Variants in ZNF248 observed in about 807,000 individuals in gnomAD.
The protein encoded by ZNF248 is zinc finger protein 248.
A neutral mutation model predicts 44.3 loss-of-function variants in ZNF248; 20 were observed. That is an observed-to-expected ratio of 0.45 (90% CI 0.32 to 0.66). The LOEUF is 0.66. Among genes scored for constraint, ZNF248 ranks in the 30% least tolerant of loss-of-function variants. The probability of loss-of-function intolerance (pLI) is 0.04; values close to 1 mark genes in which losing one functional copy is unlikely to be tolerated. For missense variants in ZNF248, 654 were observed against 677.0 expected, an observed-to-expected ratio of 0.97 and a Z score of 0.38; for synonymous variants, 224 against 229.0, an observed-to-expected ratio of 0.98 and a Z score of 0.20.
chr10:37,769,009 C>A, the ZNF248 span, among the ~76,000 whole-genome samples: 1 of 152,264 alleles, frequency 6.6e-6, no homozygotes, highest in South Asian at 2.1e-4. Flanking sequence ...TACAAATAAA[C>A]TAGAAAATCT....
At chr10:37,763,451 G>C in the ZNF248 span, among the ~76,000 whole-genome samples, 1 of 152,314 alleles carries the variant, frequency 6.6e-6, no homozygotes, top group East Asian at 1.9e-4. Flanking sequence ...GAAACAGTTT[G>C]CTGTTTGATC....
intron 6 of ZNF248, among the ~76,000 whole-genome samples, chr10:37,778,026 T>C (rs2046802985): frequency 6.6e-6 from 1 of 152,130 alleles, no homozygotes; most frequent in Non-Finnish European, 1.5e-5. Context: ...AGCAGCATGA[T>C]TTATAGTCCT....
the ZNF248 span, among the ~76,000 whole-genome samples, chr10:37,761,631 C>G: frequency 1.3e-5 from 2 of 152,202 alleles, no homozygotes; most frequent in Non-Finnish European, 2.9e-5. Flanking sequence ...TAGTGAATAA[C>G]TTTACTTCAA....
At chr10:37,781,374 T>A (rs921709007) in intron 6 of ZNF248, among the ~76,000 whole-genome samples, 4 of 152,238 alleles carry the variant, frequency 2.6e-5, no homozygotes, top group Non-Finnish European at 5.9e-5. Flanking sequence ...TTGGACCACT[T>A]GCCATCTTGT....
At chr10:37,779,364 A>G (rs1272450484) in intron 6 of ZNF248, among the ~76,000 whole-genome samples, 25 of 152,278 alleles carry the variant, frequency 1.6e-4, no homozygotes, top group Admixed American at 7.2e-4. Flanking sequence ...TTCAATATAC[A>G]CAAATCAATA....
intron 3 of ZNF248, among the ~76,000 whole-genome samples, chr10:37,849,860 C>T (rs1310755345): frequency 1.3e-5 from 2 of 152,132 alleles, no homozygotes; most frequent in Non-Finnish European, 2.9e-5. Context: ...ATCACAAGGT[C>T]AGGAGTTCAA....
At chr10:37,815,354 G>A (rs10827829) in intron 6 of ZNF248, among the ~76,000 whole-genome samples, 19,644 of 151,726 alleles carry the variant, frequency 0.13, 1,370 homozygotes, top group Admixed American at 0.2. Flanking sequence ...ATAAGCCACC[G>A]CGCTCAGCTT....
intron 3 of ZNF248, among the ~76,000 whole-genome samples, chr10:37,850,640 C>A (rs2060066274): frequency 6.6e-6 from 1 of 152,032 alleles, no homozygotes; most frequent in Non-Finnish European, 1.5e-5. Flanking sequence ...AATAGGCCTA[C>A]ACAAATATAC....
At chr10:37,841,518 A>C (rs941904334) in intron 3 of ZNF248, among the ~76,000 whole-genome samples, 5 of 152,192 alleles carry the variant, frequency 3.3e-5, no homozygotes, top group African/African-American at 1.2e-4. Flanking sequence ...GTTCATACTA[A>C]TATAAATAAA....
chr10:37,845,011 CTCTT>C lies in ZNF248; in HGVS notation c.16-6904_16-6901del, dbSNP rs763162818. Among the ~76,000 whole-genome samples the C allele has an allele frequency of 1.1e-3, 43 of 40,730 alleles. 1 individual carries two copies. Among genetic ancestry groups the C allele is most frequent in the Middle Eastern group, 0.015 (1 of 68 alleles). 26.7% of individuals were successfully genotyped at this position (40,730 alleles called of 152,430 possible). On this transcript the variant is annotated intron_variant, in intron 3 of 5. Coordinates refer to ENST00000395867, the MANE Select transcript of ZNF248 (RefSeq NM_021045.3). ...CTTCCTTCTCCTTCCCTCCTTCTCT[CTCTT>C]TCTTTCTTGTTTTTTTGGAGATGGG... is the stretch of plus-strand genomic sequence containing the variant.
chr10:37,831,253 G>A lies in ZNF248; in HGVS notation c.*362C>T, dbSNP rs1322576943. On this transcript the variant is annotated 3_prime_UTR_variant, in exon 6 of 6. Coordinates refer to ENST00000395867, the MANE Select transcript of ZNF248 (RefSeq NM_021045.3). ...TCACATAAGGTCTACAAACATCGGG[G>A]ACTCTTCACATATATGTTTAATGCT... The A allele has an allele frequency of 3.7e-5, 58 of 1,549,164 alleles. No homozygotes were observed. Among genetic ancestry groups the A allele is most frequent in the Middle Eastern group, 1.7e-4 (1 of 6,000 alleles).
rs760888574 is a variant in ZNF248, at chr10:37,830,100, G to A, written c.*1515C>T. On this transcript the variant is annotated 3_prime_UTR_variant, in exon 6 of 6. Transcript: ENST00000395867. ...ACGCAGAACTAGTGTTACATAGACC[G>A]TGCCCAAACAGATACACAATGAAAA... The A allele has an allele frequency of 2.6e-4, 261 of 985,232 alleles. No homozygotes were observed. The highest frequency in any genetic ancestry group is 4.5e-4 in the East Asian group (4 of 8,816). 61.0% of individuals were successfully genotyped at this position (985,232 alleles called of 1,614,324 possible). A position where few individuals can be genotyped will look rare whatever the true frequency, so the allele number is the denominator to read the frequency against.
chr10:37,784,180 T>G (rs2047618400), intron 6 of ZNF248: 1 of 152,246 alleles, frequency 6.6e-6, no homozygotes, highest in Admixed American at 6.5e-5. Context: ...TATTAGAACT[T>G]TGGAATGTTT....
chr10:37,779,000 T>G (rs1050195509), intron 6 of ZNF248, among the ~76,000 whole-genome samples: 15 of 152,222 alleles, frequency 9.9e-5, no homozygotes, highest in African/African-American at 2.4e-4. Flanking sequence ...AATAACAGGA[T>G]CTGAAATTGT....
intron 6 of ZNF248, among the ~76,000 whole-genome samples, chr10:37,806,219 A>G (rs780496828): frequency 2.0e-5 from 3 of 152,194 alleles, no homozygotes; most frequent in Non-Finnish European, 4.4e-5. Flanking sequence ...TTGGATATAT[A>G]CTCAGAAGTG....
chr10:37,813,725 A>G (rs2051947305), intron 6 of ZNF248, among the ~76,000 whole-genome samples: 1 of 152,142 alleles, frequency 6.6e-6, no homozygotes, highest in African/African-American at 2.4e-5. Flanking sequence ...TAGTAGTTAC[A>G]TTTTGGGGGA....
chr10:37,796,291 T>C (rs901521991), intron 6 of ZNF248, among the ~76,000 whole-genome samples: 1 of 151,690 alleles, frequency 6.6e-6, no homozygotes, highest in African/African-American at 2.4e-5. Context: ...TCTTGGCTCA[T>C]TGCAACCTCT....
At chr10:37,768,769 AT>A in the ZNF248 span, among the ~76,000 whole-genome samples, 4 of 152,214 alleles carry the variant, frequency 2.6e-5, no homozygotes, top group East Asian at 7.7e-4. Flanking sequence ...ATTAACTAAA[AT>A]CAGAGCAGAA....
At chr10:37,761,628 T>C in the ZNF248 span, among the ~76,000 whole-genome samples, 7 of 152,334 alleles carry the variant, frequency 4.6e-5, no homozygotes, top group Non-Finnish European at 1.0e-4. Context: ...GAATAGTGAA[T>C]AACTTTACTT....
Sources: gnomAD v4.1 joint callset for allele counts (sites outside exome capture counted in the v4.1 genomes callset) on GRCh38, gnomAD v4.1.1 for gene constraint, MANE v1.5 for transcripts, NCBI Gene and HGNC (gene_info 2026-07-23, HGNC 2026-07-21) for gene names.